SLC35F1: variants seen among roughly 807,000 people sequenced by gnomAD.
The protein encoded by SLC35F1 is chromosome 6 open reading frame 169.
SLC35F1 carries 14 observed loss-of-function variants against 48.7 expected under a neutral mutation model. The observed-to-expected ratio is 0.29, with a 90% CI of 0.19 to 0.45. The LOEUF is 0.45. Among genes scored for constraint, SLC35F1 ranks in the 20% least tolerant of loss-of-function variants. The probability of loss-of-function intolerance (pLI) is 1.00; values close to 1 mark genes in which losing one functional copy is unlikely to be tolerated. For synonymous variants in SLC35F1, 190 were observed against 202.2 expected, an observed-to-expected ratio of 0.94 and a Z score of 0.51; for missense variants, 404 against 500.0, an observed-to-expected ratio of 0.81 and a Z score of 1.83.
At chr6:118,097,897 C>T (rs1299316515) in intron 1 of SLC35F1, among the ~76,000 whole-genome samples, 1 of 152,144 alleles carries the variant, frequency 6.6e-6, no homozygotes, top group Non-Finnish European at 1.5e-5. Context: ...AGTTTTCTCA[C>T]ATCTAATTAT....
rs180940407 is a variant in SLC35F1, at chr6:117,983,877, G to A, written c.173+75978G>A. Among the ~76,000 whole-genome samples, 210 of 152,202 alleles carry A rather than the reference G, an allele frequency of 1.4e-3. 1 individual carries two copies. The highest frequency in any genetic ancestry group is 4.7e-3 in the African/African-American group (194 of 41,546). On this transcript the variant is annotated intron_variant, in intron 1 of 7. Transcript: ENST00000360388. The stretch of plus-strand genomic sequence containing the variant: ...TAGGCATGTAGGTGAATCTAAACTC[G>A]TGTGTCTAGGCCACTGTATAAAATT...
At chr6:118,230,955 T>C (rs1775285088) in intron 2 of SLC35F1, among the ~76,000 whole-genome samples, 2 of 152,102 alleles carry the variant, frequency 1.3e-5, no homozygotes, top group South Asian at 4.2e-4. Flanking sequence ...AGAGAGACCC[T>C]GTCTGAAACA....
At chr6:118,050,145 C>T (rs559926707) in intron 1 of SLC35F1, among the ~76,000 whole-genome samples, 2 of 151,872 alleles carry the variant, frequency 1.3e-5, no homozygotes, top group Non-Finnish European at 2.9e-5. Context: ...TGTTCTCACT[C>T]ATAGGTGGGA....
At chr6:118,007,205 C>T (rs1382370205) in intron 1 of SLC35F1, among the ~76,000 whole-genome samples, 4 of 152,136 alleles carry the variant, frequency 2.6e-5, no homozygotes, top group African/African-American at 9.7e-5. Flanking sequence ...ACTCTCTACA[C>T]ACGGTGGGGG....
chr6:118,009,979 T>C (rs1405914148), intron 1 of SLC35F1, among the ~76,000 whole-genome samples: 2 of 152,188 alleles, frequency 1.3e-5, no homozygotes, highest in African/African-American at 4.8e-5. Context: ...TGGGAATTTA[T>C]TGACTACGTA....
intron 1 of SLC35F1, among the ~76,000 whole-genome samples, chr6:118,131,130 AAAATTT>A (rs1348545158): frequency 1.9e-4 from 29 of 152,164 alleles, no homozygotes; most frequent in African/African-American, 6.5e-4. Flanking sequence ...GAGTTTTTTA[AAAATTT>A]TTTCCTGCAA....
intron 2 of SLC35F1, among the ~76,000 whole-genome samples, chr6:118,158,235 G>A (rs930571302): frequency 9.9e-5 from 15 of 152,142 alleles, no homozygotes; most frequent in Admixed American, 4.6e-4. Context: ...GTTTTAATAG[G>A]CTGGCATTAA....
At chr6:118,211,462 C>T (rs1775000016) in intron 2 of SLC35F1, among the ~76,000 whole-genome samples, 1 of 152,192 alleles carries the variant, frequency 6.6e-6, no homozygotes. Context: ...CATGTGCATA[C>T]TCTGCATATA....
intron 2 of SLC35F1, among the ~76,000 whole-genome samples, chr6:118,169,830 A>G (rs904332815): frequency 3.9e-5 from 6 of 152,222 alleles, no homozygotes; most frequent in Admixed American, 3.3e-4. Flanking sequence ...AATCAAATCA[A>G]CATGTACTTC....
chr6:118,078,513 C>T (rs559013315), intron 1 of SLC35F1, among the ~76,000 whole-genome samples: 1 of 152,024 alleles, frequency 6.6e-6, no homozygotes, highest in Non-Finnish European at 1.5e-5. Flanking sequence ...TGGTAGGAGA[C>T]AAAAGCTTGC....
intron 1 of SLC35F1, among the ~76,000 whole-genome samples, chr6:118,148,423 A>G (rs367932940): frequency 3.1e-4 from 47 of 152,334 alleles, no homozygotes; most frequent in African/African-American, 1.1e-3. Context: ...TTGTAACACA[A>G]GTTTACTCTC....
intron 3 of SLC35F1, among the ~76,000 whole-genome samples, chr6:118,257,692 T>C (rs1775663816): frequency 6.6e-6 from 1 of 152,154 alleles, no homozygotes; most frequent in Non-Finnish European, 1.5e-5. Context: ...ACAGAACATG[T>C]AGTATTTTAG....
At chr6:118,079,766 G>A (rs73525676) in intron 1 of SLC35F1, among the ~76,000 whole-genome samples, 2,249 of 152,208 alleles carry the variant, frequency 0.015, 59 homozygotes, top group African/African-American at 0.052. Flanking sequence ...AACTTCCCCT[G>A]TTCTGTTATT....
chr6:118,184,314 A>G (rs1163686098), intron 2 of SLC35F1, among the ~76,000 whole-genome samples: 3 of 152,218 alleles, frequency 2.0e-5, no homozygotes, highest in Non-Finnish European at 4.4e-5. Flanking sequence ...TGGCTCTACC[A>G]TATGTGGAGC....
At chr6:118,123,658 T>G (rs1773584669) in intron 1 of SLC35F1, among the ~76,000 whole-genome samples, 1 of 150,534 alleles carries the variant, frequency 6.6e-6, no homozygotes. Context: ...AGTCTTAAAA[T>G]GGTAAACACT....
At chr6:118,108,528 T>C (rs1582670119) in intron 1 of SLC35F1, among the ~76,000 whole-genome samples, 2 of 152,336 alleles carry the variant, frequency 1.3e-5, no homozygotes, top group South Asian at 4.1e-4. Context: ...ATGTTAAAAG[T>C]ACTAGGAGGT....
chr6:118,038,264 A>G (rs1421768643), intron 1 of SLC35F1, among the ~76,000 whole-genome samples: 1 of 151,996 alleles, frequency 6.6e-6, no homozygotes, highest in Non-Finnish European at 1.5e-5. Flanking sequence ...TACTGTAGAT[A>G]TTTCCCATTT....
chr6:118,040,263 G>T (rs1772194736), intron 1 of SLC35F1, among the ~76,000 whole-genome samples: 2 of 152,124 alleles, frequency 1.3e-5, no homozygotes. Context: ...TCTATGGCTG[G>T]GTTCCACCTC....
rs376164545 is a variant in SLC35F1, at chr6:118,028,276, A to G, written c.173+120377A>G. Reference sequence around the variant, plus strand: ...TTCTCCTGTGTTCTTCTTCCACACTATAATGAACATCAGTGAATATTGTTT... The same window carrying G: ...TTCTCCTGTGTTCTTCTTCCACACTGTAATGAACATCAGTGAATATTGTTT... On this transcript the variant is annotated intron_variant, in intron 1 of 7. Coordinates refer to ENST00000360388, the MANE Select transcript of SLC35F1 (RefSeq NM_001029858.4). 8.5e-5 allele frequency among the ~76,000 whole-genome samples: 13 copies of G among 152,246 alleles called. No homozygotes were observed. The East Asian group carries it at 2.3e-3, about 27-fold the overall frequency.
Sources: allele counts gnomAD v4.1 joint callset (sites outside exome capture counted in the v4.1 genomes callset), GRCh38; gene constraint gnomAD v4.1.1; transcripts MANE v1.5; gene names NCBI Gene and HGNC (gene_info 2026-07-23, HGNC 2026-07-21).